The following NRG1 variants were observed in gnomAD, a reference collection of about 807,000 sequenced individuals.
NRG1 encodes the protein neuregulin 1.
In NRG1, 18 loss-of-function variants were observed where a neutral mutation model predicts 63.8. The ratio of observed to expected loss-of-function variants is 0.28; its 90% CI spans 0.19 to 0.42. NRG1 has a LOEUF of 0.42. NRG1 is among the 10% of genes least tolerant of loss of function. The pLI is 1.00. For missense variants in NRG1, 762 were observed against 814.7 expected, an observed-to-expected ratio of 0.94 and a Z score of 0.79; for synonymous variants, 302 against 301.3, an observed-to-expected ratio of 1.00 and a Z score of -0.02.
chr8:31,691,742 G>A (rs995972748), intron 1 of NRG1, among the ~76,000 whole-genome samples: 1 of 151,002 alleles, frequency 6.6e-6, no homozygotes, highest in Non-Finnish European at 1.5e-5. Context: ...TGCTTAATGT[G>A]CTGGTGTGGC....
intron 5 of NRG1, among the ~76,000 whole-genome samples, chr8:32,654,581 A>T (rs1041891975): frequency 8.2e-6 from 1 of 121,236 alleles, no homozygotes; most frequent in Non-Finnish European, 1.8e-5. Flanking sequence ...GTGAGCCGAG[A>T]TCGTGCCACT....
At position 32,106,345 on chromosome 8, in the gene NRG1, A is replaced by G. The variant is rs143866290; in HGVS notation, c.37+466914A>G. Among the ~76,000 whole-genome samples the G allele has an allele frequency of 2.6e-3, 397 of 152,362 alleles. 2 individuals carry two copies. The highest frequency in any genetic ancestry group is 9.1e-3 in the African/African-American group (378 of 41,592). On this transcript the variant is annotated intron_variant, in intron 1 of 10. Transcript: ENST00000519301. ...TTTATTTTGTGGCCAACTGGCAACC[A>G]TATGGAAGTCAGTTAAAATGTATTT...
intron 1 of NRG1, among the ~76,000 whole-genome samples, chr8:31,664,625 A>T (rs1401554243): frequency 6.6e-6 from 1 of 152,212 alleles, no homozygotes; most frequent in Admixed American, 6.5e-5. Context: ...CATTATAATG[A>T]GAAAATAAAT....
At chr8:32,297,158 T>A (rs1563284173) in intron 1 of NRG1, among the ~76,000 whole-genome samples, 1 of 152,106 alleles carries the variant, frequency 6.6e-6, no homozygotes, top group African/African-American at 2.4e-5. Context: ...GTATTCCATT[T>A]CTGTGTCCTG....
chr8:32,743,278 A>G, intron 7 of NRG1: 1 of 949,956 alleles, frequency 1.1e-6, no homozygotes, highest in Non-Finnish European at 1.3e-6. Flanking sequence ...GCATTTTTTT[A>G]AAAAAGCATC....
At chr8:32,626,956 G>A (rs1193718921) in intron 5 of NRG1, among the ~76,000 whole-genome samples, 3 of 151,786 alleles carry the variant, frequency 2.0e-5, no homozygotes, top group Non-Finnish European at 4.4e-5. Flanking sequence ...GGGAGCGGAG[G>A]TTGCAGTGAG....
At chr8:31,853,424 G>T (rs1386959443) in intron 1 of NRG1, among the ~76,000 whole-genome samples, 1 of 150,318 alleles carries the variant, frequency 6.7e-6, no homozygotes, top group Non-Finnish European at 1.5e-5. Flanking sequence ...TCTGTTATTG[G>T]TGTATAAGAA....
In NRG1 at chr8:32,073,020, T is replaced by C. The variant is rs574520449; in HGVS notation, c.37+433589T>C. 4.5e-3 allele frequency among the ~76,000 whole-genome samples: 685 copies of C among 152,132 alleles called. 2 individuals carry two copies. Among genetic ancestry groups the C allele is most frequent in the Non-Finnish European group, 6.8e-3 (464 of 67,984 alleles). Reference sequence around the variant, plus strand: ...GCATCAGGTCTGGGAAAAAAAAAATTGGTCAAAGAGATAGCCTGAGGTTAT... The same window carrying C: ...GCATCAGGTCTGGGAAAAAAAAAATCGGTCAAAGAGATAGCCTGAGGTTAT... On this transcript the variant is annotated intron_variant, in intron 1 of 10. Coordinates refer to the NRG1 transcript ENST00000519301.
intron 1 of NRG1, among the ~76,000 whole-genome samples, chr8:31,713,351 C>T (rs1197126045): frequency 2.0e-5 from 3 of 151,744 alleles, no homozygotes; most frequent in Non-Finnish European, 2.9e-5. Flanking sequence ...CTCCTGACCT[C>T]GTGATCCGCC....
intron 1 of NRG1, among the ~76,000 whole-genome samples, chr8:31,970,738 A>T (rs1807140467): frequency 6.6e-6 from 1 of 152,076 alleles, no homozygotes; most frequent in Non-Finnish European, 1.5e-5. Context: ...CTGTACCCAC[A>T]GTTTACATGT....
chr8:31,790,002 G>A (rs905639150), intron 1 of NRG1, among the ~76,000 whole-genome samples: 7 of 152,044 alleles, frequency 4.6e-5, no homozygotes, highest in Admixed American at 6.6e-5. Flanking sequence ...AATAATATGC[G>A]GGTAAAAGGA....
intron 1 of NRG1, among the ~76,000 whole-genome samples, chr8:32,273,821 T>C (rs936863529): frequency 2.0e-5 from 3 of 152,200 alleles, no homozygotes; most frequent in African/African-American, 7.2e-5. Context: ...CTGGATGTGT[T>C]GACTGGTAAC....
intron 7 of NRG1, among the ~76,000 whole-genome samples, chr8:32,753,054 G>A (rs1829032071): frequency 1.3e-5 from 2 of 152,136 alleles, no homozygotes; most frequent in Admixed American, 1.3e-4. Flanking sequence ...GTGTAGTTGT[G>A]CCACTGCAGA....
intron 1 of NRG1, among the ~76,000 whole-genome samples, chr8:31,847,410 C>G (rs1263891160): frequency 1.3e-5 from 2 of 152,194 alleles, no homozygotes; most frequent in Non-Finnish European, 2.9e-5. Flanking sequence ...TTCGGATGAG[C>G]TATGGGTTAC....
At chr8:32,418,723 T>C (rs1283186261) in intron 1 of NRG1, among the ~76,000 whole-genome samples, 5 of 152,196 alleles carry the variant, frequency 3.3e-5, no homozygotes, top group Non-Finnish European at 7.4e-5. Context: ...AAGTAAAATT[T>C]GTAAAGCTAT....
chr8:32,691,741 G>A (rs1811729876), intron 5 of NRG1, among the ~76,000 whole-genome samples: 1 of 152,176 alleles, frequency 6.6e-6, no homozygotes, highest in African/African-American at 2.4e-5. Context: ...AGAAGTTATG[G>A]GAATTGTTGT....
chr8:31,674,892 G>A (rs1297403324), intron 1 of NRG1, among the ~76,000 whole-genome samples: 1 of 152,170 alleles, frequency 6.6e-6, no homozygotes, highest in Non-Finnish European at 1.5e-5. Context: ...CTTGTACTGT[G>A]GGGTAGCACT....
intron 1 of NRG1, among the ~76,000 whole-genome samples, chr8:32,576,527 G>T (rs1839664697): frequency 6.6e-6 from 1 of 151,702 alleles, no homozygotes; most frequent in African/African-American, 2.4e-5. Flanking sequence ...AATTTACCCA[G>T]GGCAATAAAT....
At chr8:31,924,622 T>TTC (rs1834184272) in intron 1 of NRG1, among the ~76,000 whole-genome samples, 1 of 151,252 alleles carries the variant, frequency 6.6e-6, no homozygotes, top group Non-Finnish European at 1.5e-5. Context: ...TTGTGCCTTT[T>TTC]TTTTTTCACT....
Sources: gnomAD v4.1 joint callset for allele counts (sites outside exome capture counted in the v4.1 genomes callset) on GRCh38, gnomAD v4.1.1 for gene constraint, MANE v1.5 for transcripts, NCBI Gene and HGNC (gene_info 2026-07-23, HGNC 2026-07-21) for gene names.